Variants in LARS2 observed in about 807,000 individuals in gnomAD.
LARS2 encodes the protein leucyl-tRNA synthetase 2, mitochondrial, also known as leucine--tRNA ligase, mitochondrial.
In LARS2, 81 loss-of-function variants were observed where a neutral mutation model predicts 116.6. The observed-to-expected ratio is 0.69, with a 90% CI of 0.58 to 0.84. The LOEUF (loss-of-function observed/expected upper bound fraction) is 0.84, where lower values mean the gene tolerates loss of function less well. LARS2 is among the 40% of genes least tolerant of loss of function. The probability of loss-of-function intolerance (pLI) is 0.00; values close to 1 mark genes in which losing one functional copy is unlikely to be tolerated. For synonymous variants in LARS2, 396 were observed against 407.2 expected (o/e 0.97, Z 0.33); for missense variants, 968 against 1,114.5 (o/e 0.87, Z 1.87).
intron 8 of LARS2, among the ~76,000 whole-genome samples, chr3:45,465,329 C>G (rs372442889): frequency 1.3e-5 from 2 of 152,346 alleles, no homozygotes; most frequent in South Asian, 2.1e-4. Context: ...TTTCTATCCT[C>G]CATCCTATGC....
At chr3:45,430,650 T>A (rs1698693301) in intron 6 of LARS2, among the ~76,000 whole-genome samples, 2 of 144,892 alleles carry the variant, frequency 1.4e-5, no homozygotes, top group Non-Finnish European at 3.0e-5. Context: ...CGTGGCGCGA[T>A]CTCAGCTCAC....
intron 14 of LARS2, among the ~76,000 whole-genome samples, chr3:45,499,450 A>T (rs1483892606): frequency 6.6e-6 from 1 of 151,600 alleles, no homozygotes; most frequent in East Asian, 1.9e-4. Context: ...TCAAAAAGAA[A>T]ATTAAAAAAA....
intron 15 of LARS2, among the ~76,000 whole-genome samples, chr3:45,512,256 G>A (rs1180575199): frequency 6.6e-6 from 1 of 152,156 alleles, no homozygotes; most frequent in Non-Finnish European, 1.5e-5. Context: ...CTGATACCCT[G>A]AACACGAAAT....
At chr3:45,419,584 G>T in intron 5 of LARS2, 85 bp from the exon 6 acceptor site, 1 of 1,006,756 alleles carries the variant, frequency 9.9e-7, no homozygotes, top group Non-Finnish European at 1.5e-6. Flanking sequence ...GACTTTTTCA[G>T]TTTCCCTTTA....
chr3:45,411,176 A>G (rs1559459505), intron 4 of LARS2, among the ~76,000 whole-genome samples: 1 of 152,190 alleles, frequency 6.6e-6, no homozygotes, highest in Admixed American at 6.5e-5. Flanking sequence ...CATCTGCGCC[A>G]CTTACAGACT....
At chr3:45,475,792 G>C (rs990246677) in intron 9 of LARS2, among the ~76,000 whole-genome samples, 1 of 152,168 alleles carries the variant, frequency 6.6e-6, no homozygotes, top group Non-Finnish European at 1.5e-5. Context: ...TGGCAGTTAG[G>C]CCAAGTGGTA....
chr3:45,410,662 C>T (rs546388471), intron 4 of LARS2, among the ~76,000 whole-genome samples: 5 of 152,300 alleles, frequency 3.3e-5, no homozygotes, highest in East Asian at 1.9e-4. Context: ...CACATGCCAG[C>T]TTTATTTTCT....
chr3:45,442,198 G>T (rs989717844), intron 6 of LARS2, among the ~76,000 whole-genome samples: 4 of 152,112 alleles, frequency 2.6e-5, no homozygotes, highest in Admixed American at 1.3e-4. Context: ...TGACTTCTGT[G>T]GTGGTCTCCC....
At chr3:45,546,029 A>G (rs543379608) in intron 21 of LARS2, among the ~76,000 whole-genome samples, 1 of 151,764 alleles carries the variant, frequency 6.6e-6, no homozygotes, top group East Asian at 1.9e-4. Flanking sequence ...TCAAACCTGA[A>G]TCTCCCCACA....
chr3:45,452,757 A>G (rs1175310955), intron 7 of LARS2, among the ~76,000 whole-genome samples: 4 of 152,116 alleles, frequency 2.6e-5, no homozygotes, highest in Non-Finnish European at 5.9e-5. Flanking sequence ...AATGGGTATT[A>G]GTTTTCTTTA....
intron 4 of LARS2, among the ~76,000 whole-genome samples, chr3:45,406,045 G>T (rs1162538292): frequency 6.6e-6 from 1 of 152,122 alleles, no homozygotes; most frequent in Non-Finnish European, 1.5e-5. Flanking sequence ...CCCACCTAAG[G>T]TGATCTAGTT....
intron 3 of LARS2, among the ~76,000 whole-genome samples, chr3:45,394,929 A>C (rs943935224): frequency 1.3e-5 from 2 of 152,226 alleles, no homozygotes; most frequent in African/African-American, 4.8e-5. Flanking sequence ...GGTAGTGTTT[A>C]CAAGAGTTTC....
chr3:45,483,288 C>G (rs562811100), intron 10 of LARS2, among the ~76,000 whole-genome samples: 1 of 152,292 alleles, frequency 6.6e-6, no homozygotes, highest in East Asian at 1.9e-4. Context: ...CCCCTCACCT[C>G]CCAGCCTCCT....
chr3:45,430,602 T>G (rs1698690999), intron 6 of LARS2, among the ~76,000 whole-genome samples: 1 of 55,806 alleles, frequency 1.8e-5, no homozygotes, highest in Non-Finnish European at 3.9e-5. Context: ...TTTTTTTTTT[T>G]GAGTCAGAGT....
At chr3:45,520,169 A>G (rs1161366845) in intron 18 of LARS2, 50 bp from the exon 19 acceptor site, 1 of 1,323,910 alleles carries the variant, frequency 7.6e-7, no homozygotes, top group African/African-American at 1.4e-5. Context: ...TTTTTGTGGA[A>G]AGCTTAAAAG....
intron 6 of LARS2, among the ~76,000 whole-genome samples, chr3:45,430,775 CG>C (rs1250006369): frequency 6.6e-6 from 1 of 150,590 alleles, no homozygotes; most frequent in Non-Finnish European, 1.5e-5. Context: ...TTAGTAGAGA[CG>C]GGGTTTCACC....
chr3:45,480,645 G>A (rs1699683325), intron 10 of LARS2, among the ~76,000 whole-genome samples: 1 of 152,190 alleles, frequency 6.6e-6, no homozygotes, highest in Non-Finnish European at 1.5e-5. Flanking sequence ...AAGAAATATG[G>A]AGAACACTAG....
chr3:45,516,443 G>T (rs1016744408), intron 17 of LARS2, among the ~76,000 whole-genome samples, 167 bp downstream of exon 17: 1 of 152,126 alleles, frequency 6.6e-6, no homozygotes. Context: ...ACTCTTAGAC[G>T]GGTGTTGACA....
chr3:45,536,673 T>C (rs749230461), intron 20 of LARS2, among the ~76,000 whole-genome samples: 2 of 152,250 alleles, frequency 1.3e-5, no homozygotes, highest in Non-Finnish European at 2.9e-5. Context: ...TGTGCCTCTC[T>C]GGGCTTCTTG....
Sources: allele counts gnomAD v4.1 joint callset (sites outside exome capture counted in the v4.1 genomes callset), GRCh38; gene constraint gnomAD v4.1.1; transcripts MANE v1.5; gene names NCBI Gene and HGNC (gene_info 2026-07-23, HGNC 2026-07-21).